Variants in KALRN observed in about 807,000 individuals in gnomAD.
KALRN encodes the protein kalirin RhoGEF kinase, also known as kalirin.
Under a neutral mutation model 353.7 loss-of-function variants are expected in KALRN, and 70 were observed. That is an observed-to-expected ratio of 0.20 (90% CI 0.16 to 0.24). KALRN has a LOEUF of 0.24. Ranked by LOEUF, KALRN falls within the 10% of genes least tolerant of loss-of-function variation. KALRN has a pLI of 1.00. For synonymous variants in KALRN, 1,391 were observed against 1,434.8 expected (o/e 0.97, Z 0.69); for missense variants, 2,791 against 3,756.7 (o/e 0.74, Z 6.72).
At chr3:124,208,988 AT>A (rs2076668502) in intron 1 of KALRN, among the ~76,000 whole-genome samples, 1 of 151,412 alleles carries the variant, frequency 6.6e-6, no homozygotes, top group Non-Finnish European at 1.5e-5. Context: ...AATAATAATC[AT>A]CATCATCATC....
chr3:124,589,335 A>T (rs1479803090), intron 34 of KALRN, among the ~76,000 whole-genome samples: 4 of 152,194 alleles, frequency 2.6e-5, no homozygotes, highest in African/African-American at 7.2e-5. Context: ...TTCACCATCC[A>T]CTGTAATCCC....
At chr3:124,456,785 C>G in intron 23 of KALRN, 57 bp downstream of exon 23, 1 of 1,178,324 alleles carries the variant, frequency 8.5e-7, no homozygotes, top group Non-Finnish European at 1.3e-6. Context: ...TGGGCTTTCA[C>G]CGCTACTTGT....
chr3:124,489,713 GGT>G (rs2062936908), intron 29 of KALRN, among the ~76,000 whole-genome samples: 6 of 152,134 alleles, frequency 3.9e-5, no homozygotes, highest in African/African-American at 1.4e-4. Flanking sequence ...CTCCATGCAT[GGT>G]CTGTTTACCA....
chr3:124,149,645 TTGTC>T (rs1156471374), intron 1 of KALRN, among the ~76,000 whole-genome samples: 1 of 152,216 alleles, frequency 6.6e-6, no homozygotes, highest in Non-Finnish European at 1.5e-5. Flanking sequence ...AGTCTCTTAG[TTGTC>T]TGAGTCTCAG....
At position 124,562,813 on chromosome 3, in the gene KALRN, T is replaced by C. The variant is rs952531955; in HGVS notation, c.4936-30T>C. 6.0e-6 allele frequency: 8 copies of C among 1,327,202 alleles called. No individual in the cohort carries two copies. In the Middle Eastern group the frequency reaches 8.5e-4, roughly 141 times the overall value. The allele number at this position is 1,327,202 out of a possible 1,614,324, so 82.2% of individuals were successfully genotyped here. On this transcript the variant is annotated intron_variant, in intron 33 of 59. Transcript: ENST00000682506. ...TCCCCCCTTCCTCCATGCCCTCCTG[T>C]TCTACTCCCTCCACCACCACCCTCC...
At chr3:124,226,954 A>G (rs950820307) in intron 1 of KALRN, among the ~76,000 whole-genome samples, 1 of 151,282 alleles carries the variant, frequency 6.6e-6, no homozygotes, top group Non-Finnish European at 1.5e-5. Flanking sequence ...ATGGCGACAC[A>G]TAACAGAGAC....
At chr3:124,656,900 G>A (rs1189707235) in intron 39 of KALRN, among the ~76,000 whole-genome samples, 1 of 152,072 alleles carries the variant, frequency 6.6e-6, no homozygotes. Context: ...AGAGGACGAG[G>A]GAATCTGAAG....
chr3:124,144,641 CTCCTCTTCCTCATCCTCT>C (rs1446106788), intron 1 of KALRN, among the ~76,000 whole-genome samples: 12 of 92,734 alleles, frequency 1.3e-4, no homozygotes, highest in Middle Eastern at 7.2e-3. Context: ...CCTCATCCTC[CTCCTCTTCCTCATCCTCT>C]TCCTCTTCCT....
At chr3:124,504,983 G>C in intron 33 of KALRN, 3 of 488,668 alleles carry the variant, frequency 6.1e-6, no homozygotes, top group Non-Finnish European at 1.3e-5. Flanking sequence ...CAGGGGAAGG[G>C]GTACAAGAAG....
intron 25 of KALRN, among the ~76,000 whole-genome samples, chr3:124,467,702 G>A (rs916868070): frequency 6.6e-6 from 1 of 152,232 alleles, no homozygotes; most frequent in African/African-American, 2.4e-5. Flanking sequence ...GCACTCCCAG[G>A]TAGGCTGGGT....
chr3:124,387,075 C>CT (rs1250009674), intron 11 of KALRN, among the ~76,000 whole-genome samples: 2 of 151,762 alleles, frequency 1.3e-5, no homozygotes, highest in African/African-American at 2.4e-5. Context: ...TTTTATTTTT[C>CT]TTTTTTGCAT....
At chr3:124,200,798 C>T (rs6789390) in intron 1 of KALRN, among the ~76,000 whole-genome samples, 5,132 of 152,294 alleles carry the variant, frequency 0.034, 265 homozygotes, top group African/African-American at 0.12. Flanking sequence ...AGCCACCCTA[C>T]ACCATCCCTC....
chr3:124,602,946 T>TGTTGTTGTTG (rs1306270170), intron 34 of KALRN, among the ~76,000 whole-genome samples: 29,799 of 151,444 alleles, frequency 0.2, 3,792 homozygotes, highest in East Asian at 0.5. Flanking sequence ...CGTGGTTTTT[T>TGTTGTTGTTG]TTTTGTTGTT....
chr3:124,706,697 G>T (rs547700939), intron 57 of KALRN, among the ~76,000 whole-genome samples: 121 of 151,606 alleles, frequency 8.0e-4, no homozygotes, highest in African/African-American at 2.8e-3. Context: ...AGCCTCCCGA[G>T]CAGCTGGAAT....
chr3:124,107,179 A>G (rs947946237), intron 1 of KALRN, among the ~76,000 whole-genome samples: 3 of 152,188 alleles, frequency 2.0e-5, no homozygotes, highest in African/African-American at 7.2e-5. Context: ...TCCATATTTT[A>G]TAGACTATTT....
chr3:124,236,729 A>C (rs1169843299), intron 3 of KALRN, among the ~76,000 whole-genome samples: 1 of 152,224 alleles, frequency 6.6e-6, no homozygotes, highest in African/African-American at 2.4e-5. Flanking sequence ...AAAAGAAAAG[A>C]TTTCCGCTGG....
At chr3:124,580,384 G>GGGGGGT (rs1398227667) in intron 34 of KALRN, among the ~76,000 whole-genome samples, 3 of 148,546 alleles carry the variant, frequency 2.0e-5, no homozygotes, top group Non-Finnish European at 3.0e-5. Context: ...GGGGAGGGGG[G>GGGGGGT]ACTCAGGCAG....
intron 1 of KALRN, among the ~76,000 whole-genome samples, chr3:124,079,514 C>T (rs2060431265): frequency 6.6e-6 from 1 of 152,150 alleles, no homozygotes; most frequent in East Asian, 1.9e-4. Context: ...GGACCCAGAG[C>T]CCAAGACATC....
chr3:124,708,981 A>C (rs1207137713), intron 57 of KALRN, among the ~76,000 whole-genome samples: 1 of 152,204 alleles, frequency 6.6e-6, no homozygotes, highest in East Asian at 1.9e-4. Context: ...CAACATCTTT[A>C]AAATGCTTAA....
Sources: gnomAD v4.1 joint callset for allele counts (sites outside exome capture counted in the v4.1 genomes callset) on GRCh38, gnomAD v4.1.1 for gene constraint, MANE v1.5 for transcripts, NCBI Gene and HGNC (gene_info 2026-07-23, HGNC 2026-07-21) for gene names.